Variants in AOPEP observed in about 807,000 individuals in gnomAD.
AOPEP encodes aminopeptidase O.
In AOPEP, 77 loss-of-function variants were observed where a neutral mutation model predicts 98.1. The observed-to-expected ratio is 0.78, with a 90% confidence interval of 0.65 to 0.95. The LOEUF is 0.95. Ranked by LOEUF, AOPEP falls within the 40% of genes least tolerant of loss-of-function variation. The probability of loss-of-function intolerance (pLI) is 0.00; values close to 1 mark genes in which losing one functional copy is unlikely to be tolerated. For synonymous variants in AOPEP, 346 were observed against 365.3 expected (o/e 0.95, Z 0.60); for missense variants, 1,024 against 1,024.7 (o/e 1.00, Z 0.01).
At chr9:94,866,558 G>A (rs2045728354) in intron 5 of AOPEP, among the ~76,000 whole-genome samples, 1 of 152,102 alleles carries the variant, frequency 6.6e-6, no homozygotes, top group South Asian at 2.1e-4. Context: ...TTTGAAGGTA[G>A]CTTCAAGCAT....
intron 10 of AOPEP, among the ~76,000 whole-genome samples, chr9:94,976,527 C>T (rs1047511362): frequency 6.6e-6 from 1 of 152,204 alleles, no homozygotes; most frequent in Non-Finnish European, 1.5e-5. Flanking sequence ...CCCTTTACCT[C>T]CCTTGTGGGC....
intron 5 of AOPEP, among the ~76,000 whole-genome samples, chr9:94,891,797 ATTCTT>A (rs2136067373): frequency 6.6e-6 from 1 of 152,258 alleles, no homozygotes; most frequent in Admixed American, 6.5e-5. Flanking sequence ...ATTTTTACTC[ATTCTT>A]TTCTTCTTTC....
chr9:95,114,861 A>G, the AOPEP span: 2 of 715,952 alleles, frequency 2.8e-6, no homozygotes, highest in Non-Finnish European at 5.1e-6. Flanking sequence ...TTTCCCAGCC[A>G]GTACCTATCT....
At chr9:94,747,503 C>T (rs996663274) in intron 1 of AOPEP, among the ~76,000 whole-genome samples, 1 of 152,010 alleles carries the variant, frequency 6.6e-6, no homozygotes, top group Admixed American at 6.6e-5. Context: ...TGTTTTAACA[C>T]TATATTTTTA....
At chr9:95,084,162 A>C (rs545180593) in intron 16 of AOPEP, among the ~76,000 whole-genome samples, 1 of 152,236 alleles carries the variant, frequency 6.6e-6, no homozygotes, top group African/African-American at 2.4e-5. Context: ...TAGCTTCTCT[A>C]TAATTTTTCA....
chr9:94,888,064 A>C (rs2048434682), intron 5 of AOPEP, among the ~76,000 whole-genome samples: 1 of 152,250 alleles, frequency 6.6e-6, no homozygotes, highest in Admixed American at 6.5e-5. Flanking sequence ...TCTTAAAAAG[A>C]GGATTATTTT....
intron 13 of AOPEP, among the ~76,000 whole-genome samples, chr9:95,031,174 C>T (rs2064265382): frequency 6.6e-6 from 1 of 152,144 alleles, no homozygotes; most frequent in Non-Finnish European, 1.5e-5. Flanking sequence ...GTGTTAACAG[C>T]ACAAAGTGTT....
At chr9:94,962,566 T>C (rs1298274134) in intron 9 of AOPEP, among the ~76,000 whole-genome samples, 1 of 152,156 alleles carries the variant, frequency 6.6e-6, no homozygotes, top group Admixed American at 6.5e-5. Context: ...TTAATTACTT[T>C]AATGGTTTGT....
chr9:94,759,966 G>A lies in AOPEP; in HGVS notation c.183G>A (p.Glu61=), dbSNP rs766548952. 7 of 1,614,170 alleles carry A rather than the reference G, an allele frequency of 4.3e-6. No individual in the cohort carries two copies. In the Admixed American group the frequency reaches 1.2e-4, roughly 27 times the overall value. ...NRFKKQNSSI[E]EACQSESNKA... is the part of the protein sequence containing the mutation. The stretch of plus-strand genomic sequence containing the variant: ...TCAAGAAACAGAATAGCTCTATTGA[G>A]GAAGCCTGCCAATCAGAATCAAACA... Residue 61 remains glutamate, a synonymous_variant, in exon 2 of 17, where the codon GAG becomes GAA. Coordinates refer to ENST00000375315, the MANE Select transcript of AOPEP (RefSeq NM_001193329.3).
chr9:94,934,680 AT>A (rs1564407459), intron 7 of AOPEP: 1 of 152,090 alleles, frequency 6.6e-6, no homozygotes, highest in African/African-American at 2.4e-5. Flanking sequence ...AGCAAATTTT[AT>A]TTTTAATCTT....
chr9:94,878,531 G>T (rs1171914232), intron 5 of AOPEP, among the ~76,000 whole-genome samples: 1 of 151,762 alleles, frequency 6.6e-6, no homozygotes, highest in Non-Finnish European at 1.5e-5. Context: ...TCCTGTACCT[G>T]GTAAAAATAC....
rs145501414 is a variant in AOPEP at position 95,053,796 on chromosome 9, C to T, written c.2116-6898C>T. Among the ~76,000 whole-genome samples the T allele has an allele frequency of 3.3e-3, 498 of 152,202 alleles. 1 individual carries two copies. Among genetic ancestry groups the T allele is most frequent in the Middle Eastern group, 0.031 (9 of 294 alleles). On this transcript the variant is annotated intron_variant, in intron 13 of 16. Coordinates refer to ENST00000375315, the MANE Select transcript of AOPEP (RefSeq NM_001193329.3). ...GTCTACTGGATTAATCATAGCTCAC[C>T]GCAGCCTCCAACTCCAGGGCTCAGA...
At chr9:95,117,442 G>C in the AOPEP span, 1 of 1,502,690 alleles carries the variant, frequency 6.7e-7, no homozygotes, top group Non-Finnish European at 9.2e-7. Context: ...TTGAAACGGG[G>C]TCAGGAAAAT....
Position 94,785,014 on chromosome 9 carries a change from A to G in AOPEP, c.965-7751A>G, listed in dbSNP as rs539364849. 4.1e-4 allele frequency among the ~76,000 whole-genome samples: 63 copies of G among 151,814 alleles called. 1 individual carries two copies. Among genetic ancestry groups the G allele is most frequent in the African/African-American group, 1.2e-3 (50 of 41,316 alleles). On this transcript the variant is annotated intron_variant, in intron 3 of 16. Coordinates refer to ENST00000375315, the MANE Select transcript of AOPEP (RefSeq NM_001193329.3). ...AATGGCACGATCTCAGCACACTGCAAACTCCGCCTCCCGGGGTTCAAGTGA... is the reference window on the plus strand; with the variant it reads ...AATGGCACGATCTCAGCACACTGCAGACTCCGCCTCCCGGGGTTCAAGTGA...
chr9:95,096,500 G>A, the AOPEP span, among the ~76,000 whole-genome samples: 9 of 152,312 alleles, frequency 5.9e-5, no homozygotes, highest in Admixed American at 2.0e-4. Flanking sequence ...TCTTCACACC[G>A]CCAGTGGTGA....
At chr9:94,834,102 C>T (rs149662364) in intron 5 of AOPEP, among the ~76,000 whole-genome samples, 2 of 152,158 alleles carry the variant, frequency 1.3e-5, no homozygotes, top group East Asian at 1.9e-4. Context: ...ATGACACTAC[C>T]GGAATACAGA....
Position 94,804,268 on chromosome 9 carries a change from G to T in AOPEP, c.1364+3266G>T, listed in dbSNP as rs183504570. Among the ~76,000 whole-genome samples the T allele has an allele frequency of 3.9e-5, 6 of 152,272 alleles. No homozygotes were observed. In the East Asian group the frequency reaches 1.2e-3, roughly 29 times the overall value. ...ATCTTACCTTTGTATGTGTGTATAG[G>T]AAATGCTTTGCTTTGCATTTGTCTC... On this transcript the variant is annotated intron_variant, in intron 5 of 16. Transcript: ENST00000375315.
chr9:94,966,997 G>A lies in AOPEP; in HGVS notation c.1873-761G>A, dbSNP rs141053053. Among the ~76,000 whole-genome samples the A allele has an allele frequency of 2.8e-3, 427 of 152,272 alleles. 6 individuals carry two copies. Among genetic ancestry groups the A allele is most frequent in the African/African-American group, 9.7e-3 (403 of 41,554 alleles). On this transcript the variant is annotated intron_variant, in intron 9 of 16. Transcript: ENST00000375315. ...TTATTGATGAAATTATGTAATGTTT[G>A]GGACTTGGTTCTATATAACACAGGA...
At chr9:94,870,128 A>G (rs7868690) in intron 5 of AOPEP, among the ~76,000 whole-genome samples, 2,483 of 151,898 alleles carry the variant, frequency 0.016, 63 homozygotes, top group African/African-American at 0.057. Flanking sequence ...AGCTAGGATT[A>G]TAGGCACACG....
Sources: allele counts gnomAD v4.1 joint callset (sites outside exome capture counted in the v4.1 genomes callset), GRCh38; gene constraint gnomAD v4.1.1; transcripts MANE v1.5; gene names NCBI Gene and HGNC (gene_info 2026-07-23, HGNC 2026-07-21).